CDC42BPB: variants seen among roughly 807,000 people sequenced by gnomAD.
CDC42BPB encodes serine/threonine-protein kinase MRCK beta.
CDC42BPB carries 37 observed loss-of-function variants against 214.9 expected under a neutral mutation model. The ratio of observed to expected loss-of-function variants is 0.17; its 90% CI spans 0.13 to 0.23. The LOEUF (loss-of-function observed/expected upper bound fraction) is 0.23. Ranked by LOEUF, CDC42BPB falls within the 10% of genes least tolerant of loss-of-function variation. CDC42BPB has a pLI of 1.00. For synonymous variants in CDC42BPB, 931 were observed against 884.0 expected (o/e 1.05, Z -0.94); for missense variants, 1,694 against 2,227.0 (o/e 0.76, Z 4.82).
rs374236593 is a variant in CDC42BPB at position 102,934,976 on chromosome 14, T to C, written c.5005-1133A>G. 9.9e-3 allele frequency among the ~76,000 whole-genome samples: 1,479 copies of C among 149,664 alleles called. 19 individuals are homozygous for C. The highest frequency in any genetic ancestry group is 0.033 in the African/African-American group (1,333 of 40,550). On this transcript the variant is annotated intron_variant, in intron 36 of 36. Coordinates refer to ENST00000361246, the MANE Select transcript of CDC42BPB (RefSeq NM_006035.4). The stretch of plus-strand genomic sequence containing the variant: ...AGTGAGCCGAGATCGCATCACTGCA[T>C]TCCAGCCTGGGCTACATGTAGAGTG...
chr14:102,932,774 C>G lies in CDC42BPB; in HGVS notation c.*938G>C, dbSNP rs1298839077. ...GGTGAAATCCACGCGCAGGGGATTGCTGTGCCGTGGGCCGGGGCCAGTGTG... is the reference window on the plus strand; with the variant it reads ...GGTGAAATCCACGCGCAGGGGATTGGTGTGCCGTGGGCCGGGGCCAGTGTG... On this transcript the variant is annotated 3_prime_UTR_variant, in exon 37 of 37. Transcript: ENST00000361246. The G allele has an allele frequency of 6.6e-6, 1 of 152,298 alleles. No individual in the cohort carries two copies. Among genetic ancestry groups the G allele is most frequent in the African/African-American group, 2.4e-5 (1 of 41,318 alleles). The allele number at this position is 152,298 out of a possible 1,614,324, so 9.4% of individuals were successfully genotyped here.
In CDC42BPB at chr14:102,947,793, C is replaced by G; in HGVS notation, c.3459G>C (p.Glu1153Asp). 1 of 1,612,576 alleles carries G rather than the reference C, an allele frequency of 6.2e-7. No homozygotes were observed. Among genetic ancestry groups the G allele is most frequent in the Non-Finnish European group, 8.5e-7 (1 of 1,179,882 alleles). Reference protein sequence around the residue: ...ASQVLDLRDDEFSVSSVLASD... With the variant: ...ASQVLDLRDDDFSVSSVLASD... ...AGGCCAGGACTGAGCTCACGGAAAA[C>G]TCGTCATCTCTGGTAAGGAAGAAAC... Residue 1153 changes from glutamate (E) to aspartate (D), a missense_variant, in exon 27 of 37, where the codon GAG becomes GAC. Coordinates refer to ENST00000361246, the MANE Select transcript of CDC42BPB (RefSeq NM_006035.4).
intron 8 of CDC42BPB, among the ~76,000 whole-genome samples, chr14:102,979,801 T>C (rs1893919545): frequency 6.6e-6 from 1 of 152,076 alleles, no homozygotes; most frequent in Non-Finnish European, 1.5e-5. Context: ...TTACGAGATA[T>C]GAGCAAAATT....
Position 102,943,577 on chromosome 14 carries a change from C to T in CDC42BPB, c.4408+314G>A, listed in dbSNP as rs1008956346. ...CCTTTTAAATGAGAGATGAATGCCA[C>T]GCCCCGTTCTCGGTTCGCCGAGCCC... On this transcript the variant is annotated intron_variant, in intron 30 of 36. Coordinates refer to ENST00000361246, the MANE Select transcript of CDC42BPB (RefSeq NM_006035.4). This position sits in a 1 kb window ranked among gnomAD's most constrained non-coding sequence, Gnocchi z 4.6. 1.3e-5 allele frequency among the ~76,000 whole-genome samples: 2 copies of T among 152,160 alleles called. No individual in the cohort carries two copies. The highest frequency in any genetic ancestry group is 2.9e-5 in the Non-Finnish European group (2 of 68,030).
intron 11 of CDC42BPB, among the ~76,000 whole-genome samples, chr14:102,974,897 G>C (rs773298803): frequency 1.1e-4 from 17 of 152,196 alleles, no homozygotes; most frequent in Non-Finnish European, 1.8e-4. Context: ...AGTGAGCCGA[G>C]ATCATGCCAC....
intron 11 of CDC42BPB, among the ~76,000 whole-genome samples, chr14:102,974,975 T>C (rs1893671660): frequency 6.6e-6 from 1 of 151,720 alleles, no homozygotes; most frequent in Admixed American, 6.6e-5. Flanking sequence ...AAACAAAAAC[T>C]GATTGGAGCT....
chr14:102,948,909 G>C (rs1191847350), intron 26 of CDC42BPB, among the ~76,000 whole-genome samples: 1 of 151,902 alleles, frequency 6.6e-6, no homozygotes, highest in African/African-American at 2.4e-5. Context: ...TGCCCCGGGG[G>C]AAGGGACATG....
intron 5 of CDC42BPB, among the ~76,000 whole-genome samples, chr14:102,988,147 G>C (rs1009789954): frequency 7.9e-5 from 12 of 151,972 alleles, no homozygotes; most frequent in African/African-American, 2.9e-4. Flanking sequence ...AAAATCTAAT[G>C]AAAAATTGAA....
At chr14:102,979,863 G>A (rs1358956761) in intron 8 of CDC42BPB, among the ~76,000 whole-genome samples, 9 of 152,216 alleles carry the variant, frequency 5.9e-5, no homozygotes, top group Non-Finnish European at 1.0e-4. Flanking sequence ...TGTCAGAGCC[G>A]ACTGGAACAC....
Position 102,938,522 on chromosome 14 carries a change from T to C in CDC42BPB, c.4828-111A>G, listed in dbSNP as rs1048085733. On this transcript the variant is annotated intron_variant, in intron 34 of 36. Coordinates refer to ENST00000361246, the MANE Select transcript of CDC42BPB (RefSeq NM_006035.4). ...GGCCTCGTGACCTTGATGAGCAAAA[T>C]GGGGGCCAAGAGGGCTCTCTGGATT... 1.2e-5 allele frequency: 18 copies of C among 1,446,058 alleles called. No individual in the cohort carries two copies. In the Admixed American group the frequency reaches 3.8e-4, roughly 31 times the overall value. The allele number at this position is 1,446,058 out of a possible 1,614,324, so 89.6% of individuals were successfully genotyped here. A position where few individuals can be genotyped will look rare whatever the true frequency, so the allele number is the denominator to read the frequency against.
intron 12 of CDC42BPB, among the ~76,000 whole-genome samples, chr14:102,972,657 CCAGGCTGGGCGA>C (rs1893531310): frequency 8.7e-6 from 1 of 115,382 alleles, no homozygotes; most frequent in Non-Finnish European, 1.7e-5. Context: ...CCACTGCACT[CCAGGCTGGGCGA>C]CAGAGCAAGA....
chr14:102,986,775 T>C, intron 5 of CDC42BPB, 195 bp from the exon 6 acceptor site: 1 of 971,164 alleles, frequency 1.0e-6, no homozygotes, highest in Admixed American at 6.1e-5. Flanking sequence ...TGCCCCTCGT[T>C]TAGTCCCCAG....
At chr14:103,003,564 C>A (rs186014299) in intron 4 of CDC42BPB, among the ~76,000 whole-genome samples, 61 of 152,340 alleles carry the variant, frequency 4.0e-4, no homozygotes, top group Non-Finnish European at 7.6e-4. Flanking sequence ...CCGGACTCAG[C>A]CCTAGCTGAG....
At chr14:102,976,282 G>A (rs1893739835) in intron 9 of CDC42BPB, 1 of 824,182 alleles carries the variant, frequency 1.2e-6, no homozygotes, top group African/African-American at 1.8e-5. Flanking sequence ...GCAAAGGAGG[G>A]GAAATGGCAT....
intron 18 of CDC42BPB, chr14:102,964,927 CTTT>C (rs926008057): frequency 2.0e-5 from 6 of 297,984 alleles, no homozygotes; most frequent in Middle Eastern, 1.7e-3. Flanking sequence ...CTTTTCTTTT[CTTT>C]TTTTTTTTGT....
chr14:103,012,982 C>T (rs10138432), intron 1 of CDC42BPB, among the ~76,000 whole-genome samples: 1 of 152,144 alleles, frequency 6.6e-6, no homozygotes, highest in Non-Finnish European at 1.5e-5. Flanking sequence ...TTGTCATGTT[C>T]GCACAATGAC....
Position 103,055,179 on chromosome 14 carries a change from T to C in CDC42BPB, c.175+1820A>G, listed in dbSNP as rs184461339. Among the ~76,000 whole-genome samples the C allele has an allele frequency of 3.2e-4, 48 of 152,340 alleles. 1 individual carries two copies. Reference sequence around the variant, plus strand: ...GGCTCACGCCTGTAATCCCAGCACTTTGGGAGGCCGAGGCAGGTGGATCAC... The same window carrying C: ...GGCTCACGCCTGTAATCCCAGCACTCTGGGAGGCCGAGGCAGGTGGATCAC... On this transcript the variant is annotated intron_variant, in intron 1 of 36. Coordinates refer to ENST00000361246, the MANE Select transcript of CDC42BPB (RefSeq NM_006035.4).
chr14:102,945,543 C>G, intron 29 of CDC42BPB, 119 bp downstream of exon 29: 1 of 857,170 alleles, frequency 1.2e-6, no homozygotes, highest in Non-Finnish European at 1.9e-6. Flanking sequence ...ACGCTGGCCC[C>G]TCCGGCGCCT....
intron 1 of CDC42BPB, among the ~76,000 whole-genome samples, chr14:103,046,966 G>A (rs1294426472): frequency 1.3e-5 from 2 of 149,434 alleles, no homozygotes; most frequent in African/African-American, 4.9e-5. Context: ...TTGAATTTTT[G>A]TTTCTGACAC....
Sources: allele counts gnomAD v4.1 joint callset (sites outside exome capture counted in the v4.1 genomes callset), GRCh38; gene constraint gnomAD v4.1.1; non-coding constraint Gnocchi (gnomAD v3.1); transcripts MANE v1.5; gene names NCBI Gene and HGNC (gene_info 2026-07-23, HGNC 2026-07-21).